Variants in KDM5B observed in about 807,000 individuals in gnomAD.
KDM5B encodes lysine demethylase 5B.
In KDM5B, 144 loss-of-function variants were observed where a neutral mutation model predicts 193.4. The ratio of observed to expected loss-of-function variants is 0.74; its 90% CI spans 0.65 to 0.86. The LOEUF is 0.86. Ranked by LOEUF, KDM5B falls within the 40% of genes least tolerant of loss-of-function variation. The pLI, the probability that KDM5B is intolerant of heterozygous loss-of-function variation, is 0.00. For missense variants in KDM5B, 1,833 were observed against 1,886.9 expected (o/e 0.97, Z 0.53); for synonymous variants, 668 against 682.6 (o/e 0.98, Z 0.33).
At chr1:202,744,408 AT>A (rs1264019303) in intron 16 of KDM5B, among the ~76,000 whole-genome samples, 1 of 152,148 alleles carries the variant, frequency 6.6e-6, no homozygotes, top group Non-Finnish European at 1.5e-5. Flanking sequence ...AAATACAAAA[AT>A]TAGCTGGGCA....
At position 202,764,105 on chromosome 1, in the gene KDM5B, G is replaced by T; in HGVS notation, c.752C>A (p.Ala251Asp). 2 of 1,586,966 alleles carry T rather than the reference G, an allele frequency of 1.3e-6. No individual in the cohort carries two copies. The highest frequency in any genetic ancestry group is 1.8e-5 in the Admixed American group (1 of 54,318). Residue 251 changes from alanine to aspartate, a missense_variant, in exon 6 of 27, where the codon GCC becomes GAC. Transcript: ENST00000367265. ...TCGACGTCTCAGATTATGAGTTCTGGCTTCCGTTGTCTCCTCGGGTTCTAT... is the reference window on the plus strand; with the variant it reads ...TCGACGTCTCAGATTATGAGTTCTGTCTTCCGTTGTCTCCTCGGGTTCTAT... ...IKIEPEETTE[A>D]RTHNLRRRMG...
chr1:202,808,179 C>G lies in KDM5B; in HGVS notation c.127G>C (p.Ala43Pro). 1 of 1,613,224 alleles carries G rather than the reference C, an allele frequency of 6.2e-7. No individual in the cohort carries two copies. Among genetic ancestry groups the G allele is most frequent in the Non-Finnish European group, 8.5e-7 (1 of 1,179,598 alleles). ...PVFEPSWEEFADPFAFIHKIR... is the reference protein window; with the variant it reads ...PVFEPSWEEFPDPFAFIHKIR... Reference sequence around the variant, plus strand: ...TTGTGGATGAAAGCGAAGGGGTCCGCGAACTCTTCCCAGCTGGGTTCGAAG... The same window carrying G: ...TTGTGGATGAAAGCGAAGGGGTCCGGGAACTCTTCCCAGCTGGGTTCGAAG... The change falls in exon 1 of 27, where the codon GCG becomes CCG. Residue 43 changes from alanine to proline, a missense_variant. By Grantham distance (27) the Ala-to-Pro change is conservative. Around this residue, in one of 3 missense-constraint regions of KDM5B, gnomAD observed 355 missense variants for 374.9 expected, o/e 0.95. Coordinates refer to ENST00000367265, the MANE Select transcript of KDM5B (RefSeq NM_006618.5).
intron 18 of KDM5B, 135 bp downstream of exon 18, chr1:202,742,256 A>C: frequency 1.6e-6 from 1 of 625,954 alleles, no homozygotes; most frequent in Non-Finnish European, 2.8e-6. Context: ...TATACCACTC[A>C]ATAGGTTATT....
intron 4 of KDM5B, chr1:202,767,555 TAG>T (rs1272589276): frequency 3.3e-6 from 2 of 612,320 alleles, no homozygotes; most frequent in Non-Finnish European, 3.0e-6. Flanking sequence ...TTTTTAATCT[TAG>T]AGAGTTTCAC....
At chr1:202,737,954 T>C (rs1314258514) in intron 20 of KDM5B, among the ~76,000 whole-genome samples, 1 of 152,240 alleles carries the variant, frequency 6.6e-6, no homozygotes, top group Admixed American at 6.5e-5. Flanking sequence ...AGGGCATAAA[T>C]GTTCTGATGG....
In KDM5B at chr1:202,728,953, T is replaced by C. The variant is rs1023109292; in HGVS notation, c.*83A>G. 1 of 1,552,420 alleles carries C rather than the reference T, an allele frequency of 6.4e-7. No individual in the cohort carries two copies. Among genetic ancestry groups the C allele is most frequent in the African/African-American group, 1.4e-5 (1 of 73,802 alleles). On this transcript the variant is annotated 3_prime_UTR_variant, in exon 27 of 27. Coordinates refer to ENST00000367265, the MANE Select transcript of KDM5B (RefSeq NM_006618.5). ...TACAGGCTGGCTTGAGTACCAGTCC[T>C]GTAGCTTTGCTGAGATTTGAAGAAA...
chr1:202,796,294 T>C (rs1657843646), intron 1 of KDM5B: 4 of 417,820 alleles, frequency 9.6e-6, no homozygotes, highest in South Asian at 5.9e-5. Flanking sequence ...TGGTCCCCGC[T>C]GTGCCACCTG....
intron 1 of KDM5B, among the ~76,000 whole-genome samples, chr1:202,800,499 C>A (rs1658030779): frequency 6.6e-6 from 1 of 152,112 alleles, no homozygotes; most frequent in Non-Finnish European, 1.5e-5. Context: ...CGTCACCATT[C>A]CCAGCTAATT....
intron 7 of KDM5B, among the ~76,000 whole-genome samples, chr1:202,762,365 T>C (rs1473646305): frequency 1.3e-5 from 2 of 152,366 alleles, no homozygotes; most frequent in African/African-American, 4.8e-5. Context: ...TCAGCTCATG[T>C]AGAAGTGAGC....
At position 202,742,383 on chromosome 1, in the gene KDM5B, A is replaced by G; in HGVS notation, c.2589+8T>C. The stretch of plus-strand genomic sequence containing the variant: ...AAAGTATTCTCCCACACATCCCTCT[A>G]TGGTTACCTTTAGTAATGGTGTCTG... On this transcript the variant is annotated splice_region_variant and intron_variant, in intron 18 of 26. Coordinates refer to ENST00000367265, the MANE Select transcript of KDM5B (RefSeq NM_006618.5). 2 of 1,588,806 alleles carry G rather than the reference A, an allele frequency of 1.3e-6. No homozygotes were observed. Among genetic ancestry groups the G allele is most frequent in the Non-Finnish European group, 1.7e-6 (2 of 1,157,012 alleles).
At chr1:202,736,158 G>T in intron 21 of KDM5B, 55 bp downstream of exon 21, 1 of 1,322,936 alleles carries the variant, frequency 7.6e-7, no homozygotes, top group Non-Finnish European at 1.0e-6. Context: ...TGAACTGCAT[G>T]TTTTACCAAA....
Position 202,731,019 on chromosome 1 carries a change from G to C in KDM5B, c.4066C>G (p.Leu1356Val). ...VNELLMEAQL[L>V]QVSLPEIQEL... The stretch of plus-strand genomic sequence containing the variant: ...TGAATTTCAGGAAGGGATACCTGGA[G>C]CAGCTGGGCTTCCATCAATAGTTCA... The change falls in exon 25 of 27, where the codon CTC becomes GTC. Residue 1356 changes from leucine to valine, a missense_variant. Around this residue, in one of 3 missense-constraint regions of KDM5B, gnomAD observed 1,379 missense variants for 1,349.6 expected, o/e 1.02. Coordinates refer to ENST00000367265, the MANE Select transcript of KDM5B (RefSeq NM_006618.5). The C allele has an allele frequency of 6.2e-7, 1 of 1,613,672 alleles. No homozygotes were observed. The highest frequency in any genetic ancestry group is 1.1e-5 in the South Asian group (1 of 91,038).
At position 202,727,750 on chromosome 1, in the gene KDM5B, C is replaced by G. The variant is rs10494836; in HGVS notation, c.*1286G>C. 6.6e-6 allele frequency: 1 copy of G among 152,590 alleles called. No homozygotes were observed. Among genetic ancestry groups the G allele is most frequent in the African/African-American group, 2.4e-5 (1 of 41,430 alleles). The allele number at this position is 152,590 out of a possible 1,614,324, so 9.5% of individuals were successfully genotyped here. On this transcript the variant is annotated 3_prime_UTR_variant, in exon 27 of 27. Coordinates refer to ENST00000367265, the MANE Select transcript of KDM5B (RefSeq NM_006618.5). Reference sequence around the variant, plus strand: ...CCAGGAGGCAGAGTCTGGGAATTCACAAGTCTCCTCTCAAGACATATACTA... The same window carrying G: ...CCAGGAGGCAGAGTCTGGGAATTCAGAAGTCTCCTCTCAAGACATATACTA...
chr1:202,754,210 TATA>T (rs763271521), intron 11 of KDM5B, among the ~76,000 whole-genome samples: 2 of 152,154 alleles, frequency 1.3e-5, no homozygotes, highest in Non-Finnish European at 2.9e-5. Flanking sequence ...GTATGGTAAA[TATA>T]ATATTCATTT....
At chr1:202,770,613 G>A (rs1300428594) in intron 4 of KDM5B, among the ~76,000 whole-genome samples, 1 of 152,084 alleles carries the variant, frequency 6.6e-6, no homozygotes, top group Non-Finnish European at 1.5e-5. Context: ...TATAAAAAAC[G>A]GATTGCCGCA....
intron 1 of KDM5B, among the ~76,000 whole-genome samples, chr1:202,779,179 A>C (rs1027728999): frequency 1.1e-4 from 16 of 152,190 alleles, no homozygotes; most frequent in Admixed American, 3.3e-4. Context: ...ATTAATGAGG[A>C]AATTCACAGC....
intron 20 of KDM5B, among the ~76,000 whole-genome samples, chr1:202,739,051 TGG>T (rs1655201000): frequency 1.3e-5 from 2 of 152,152 alleles, no homozygotes; most frequent in Non-Finnish European, 1.5e-5. Flanking sequence ...TTCTGGGCCT[TGG>T]GGCTTAGCTG....
chr1:202,750,833 T>A, intron 12 of KDM5B, 55 bp from the exon 13 acceptor site: 1 of 1,565,114 alleles, frequency 6.4e-7, no homozygotes, highest in Non-Finnish European at 8.7e-7. Flanking sequence ...ACATTGTTAC[T>A]AAAGACAATC....
At chr1:202,746,543 C>T (rs1000575201) in intron 14 of KDM5B, 9 of 437,562 alleles carry the variant, frequency 2.1e-5, no homozygotes, top group Non-Finnish European at 3.6e-5. Flanking sequence ...CAAGGCAGGT[C>T]CTTATGTTTG....
Sources: allele counts gnomAD v4.1 joint callset (sites outside exome capture counted in the v4.1 genomes callset), GRCh38; gene constraint gnomAD v4.1.1; regional missense constraint gnomAD v4.1.1; transcripts MANE v1.5; gene names NCBI Gene and HGNC (gene_info 2026-07-23, HGNC 2026-07-21).